Variants in ARHGAP42 observed in about 807,000 individuals in gnomAD.
The protein encoded by ARHGAP42 is rho GTPase-activating protein 42.
Under a neutral mutation model 125.0 loss-of-function variants are expected in ARHGAP42, and 63 were observed. That is an observed-to-expected ratio of 0.50 (90% CI 0.41 to 0.62). The LOEUF (loss-of-function observed/expected upper bound fraction) is 0.62. ARHGAP42 is among the 20% of genes least tolerant of loss of function. ARHGAP42 has a pLI of 0.00. For missense variants in ARHGAP42, 766 were observed against 1,024.2 expected, an observed-to-expected ratio of 0.75 and a Z score of 3.44; for synonymous variants, 339 against 351.0, an observed-to-expected ratio of 0.97 and a Z score of 0.38.
At chr11:100,907,581 A>G (rs965357482) in intron 4 of ARHGAP42, among the ~76,000 whole-genome samples, 6 of 152,138 alleles carry the variant, frequency 3.9e-5, no homozygotes, top group Non-Finnish European at 8.8e-5. Flanking sequence ...CACAGGAGAG[A>G]CACTGCTGTG....
In ARHGAP42 at chr11:100,992,363, G is replaced by A. The variant is rs536780208; in HGVS notation, c.*3562G>A. The A allele has an allele frequency of 2.4e-5, 38 of 1,613,742 alleles. No individual in the cohort carries two copies. The East Asian group carries it at 4.0e-4, about 17-fold the overall frequency. ...AAATCACATCTCCTGGTCAGGTCAC[G>A]AAAAAGAACACAGGCTTGACTATTG... On this transcript the variant is annotated 3_prime_UTR_variant, in exon 24 of 24. Coordinates refer to ENST00000298815, the MANE Select transcript of ARHGAP42 (RefSeq NM_152432.4).
intron 3 of ARHGAP42, among the ~76,000 whole-genome samples, chr11:100,829,165 T>C (rs1864600548): frequency 6.6e-6 from 1 of 152,056 alleles, no homozygotes; most frequent in Non-Finnish European, 1.5e-5. Flanking sequence ...GTTGGCACTT[T>C]CTGGCATCAG....
In ARHGAP42 at chr11:100,992,898, T is replaced by G; in HGVS notation, c.*4097T>G. ...TTTAGGGGGCCCAGCCCATCATTCCTTTTCCCCTTGGCACTCATGAGAGAG... is the reference window on the plus strand; with the variant it reads ...TTTAGGGGGCCCAGCCCATCATTCCGTTTCCCCTTGGCACTCATGAGAGAG... On this transcript the variant is annotated 3_prime_UTR_variant, in exon 24 of 24. Transcript: ENST00000298815. 1 of 565,834 alleles carries G rather than the reference T, an allele frequency of 1.8e-6. No individual in the cohort carries two copies. The allele number at this position is 565,834 out of a possible 1,614,324, so 35.1% of individuals were successfully genotyped here. A position where few individuals can be genotyped will look rare whatever the true frequency, so the allele number is the denominator to read the frequency against.
chr11:100,960,005 C>A, intron 13 of ARHGAP42, 60 bp downstream of exon 13: 1 of 1,398,184 alleles, frequency 7.2e-7, no homozygotes, highest in South Asian at 1.3e-5. Flanking sequence ...ACATGGAAAA[C>A]TCTCAGAGTA....
intron 1 of ARHGAP42, among the ~76,000 whole-genome samples, chr11:100,736,326 G>C (rs2120328436): frequency 6.6e-6 from 1 of 152,248 alleles, no homozygotes; most frequent in African/African-American, 2.4e-5. Context: ...ATGCATGCCG[G>C]GGGCTTCCCG....
intron 3 of ARHGAP42, among the ~76,000 whole-genome samples, chr11:100,812,770 G>A (rs545990587): frequency 6.6e-6 from 1 of 152,326 alleles, no homozygotes; most frequent in African/African-American, 2.4e-5. Flanking sequence ...AGGAACAAAT[G>A]GGAAAGTGGG....
intron 1 of ARHGAP42, among the ~76,000 whole-genome samples, chr11:100,750,826 CAT>C (rs529635277): frequency 2.9e-4 from 44 of 152,064 alleles, no homozygotes; most frequent in African/African-American, 9.9e-4. Context: ...AACATACTGA[CAT>C]ATTGATTCTT....
At chr11:100,758,017 A>G (rs2120354273) in intron 1 of ARHGAP42, among the ~76,000 whole-genome samples, 1 of 152,324 alleles carries the variant, frequency 6.6e-6, no homozygotes, top group South Asian at 2.1e-4. Context: ...ACATAACCAT[A>G]CTGTTCATGT....
chr11:100,741,924 G>A (rs1039518668), intron 1 of ARHGAP42, among the ~76,000 whole-genome samples: 2 of 152,134 alleles, frequency 1.3e-5, no homozygotes, highest in Non-Finnish European at 2.9e-5. Context: ...AAGGTTGTCT[G>A]CTTTAACCTG....
intron 3 of ARHGAP42, among the ~76,000 whole-genome samples, chr11:100,809,844 G>A (rs557381135): frequency 6.6e-6 from 1 of 152,172 alleles, no homozygotes; most frequent in East Asian, 1.9e-4. Context: ...GGGAGGCTGA[G>A]GTGGGAAGAT....
chr11:100,877,321 G>T (rs1158095192), intron 4 of ARHGAP42, among the ~76,000 whole-genome samples: 1 of 152,148 alleles, frequency 6.6e-6, no homozygotes, highest in African/African-American at 2.4e-5. Context: ...ACCTTACTTA[G>T]CCTCTGGGGA....
At chr11:100,775,660 C>T (rs761119498) in intron 2 of ARHGAP42, among the ~76,000 whole-genome samples, 35 of 152,110 alleles carry the variant, frequency 2.3e-4, no homozygotes, top group African/African-American at 4.3e-4. Context: ...GCCTATGAGA[C>T]GGGTTGTTTA....
rs1591347119 is a variant in ARHGAP42 at position 100,992,265 on chromosome 11, T to C, written c.*3464T>C. 6.5e-7 allele frequency: 1 copy of C among 1,539,618 alleles called. No homozygotes were observed. Among genetic ancestry groups the C allele is most frequent in the East Asian group, 2.3e-5 (1 of 44,364 alleles). On this transcript the variant is annotated 3_prime_UTR_variant, in exon 24 of 24. Coordinates refer to ENST00000298815, the MANE Select transcript of ARHGAP42 (RefSeq NM_152432.4). Reference sequence around the variant, plus strand: ...GCAGACCAATTTAGGGAACAGATTTTGTTCTTTGCTTTTATGATACATTTG... The same window carrying C: ...GCAGACCAATTTAGGGAACAGATTTCGTTCTTTGCTTTTATGATACATTTG...
chr11:100,959,917 A>T lies in ARHGAP42; in HGVS notation c.1197A>T (p.Arg399Ser), dbSNP rs1313821565. The T allele has an allele frequency of 5.2e-6, 8 of 1,551,340 alleles. No individual in the cohort carries two copies. The highest frequency in any genetic ancestry group is 6.1e-6 in the Non-Finnish European group (7 of 1,146,572). ...YLNEAGFNFVRKCIQAVETRG... is the reference protein window; with the variant it reads ...YLNEAGFNFVSKCIQAVETRG... ...ATGAAGCAGGGTTCAACTTTGTGAG[A>T]AAATGCATTCAAGCTGTGGAAACAA... The change falls in exon 13 of 24, where the codon AGA becomes AGT. Residue 399 changes from arginine to serine, a missense_variant. By Grantham distance (110) the Arg-to-Ser change is moderately radical. Around this residue, in one of 3 missense-constraint regions of ARHGAP42, gnomAD observed 455 missense variants for 636.5 expected, o/e 0.71. Coordinates refer to ENST00000298815, the MANE Select transcript of ARHGAP42 (RefSeq NM_152432.4).
At chr11:100,988,117 A>T (rs1858732887) in intron 23 of ARHGAP42, among the ~76,000 whole-genome samples, 1 of 151,958 alleles carries the variant, frequency 6.6e-6, no homozygotes, top group East Asian at 1.9e-4. Context: ...ACACAGCAAG[A>T]CTCTGTCTAT....
chr11:100,697,970 A>C (rs1861315800), intron 1 of ARHGAP42, among the ~76,000 whole-genome samples: 1 of 152,210 alleles, frequency 6.6e-6, no homozygotes. Context: ...TTCTATGAAA[A>C]AGTTACTCTG....
chr11:100,986,077 A>C (rs939693699), intron 22 of ARHGAP42: 1 of 456,496 alleles, frequency 2.2e-6, no homozygotes, highest in African/African-American at 2.0e-5. Context: ...CATTTAGCTA[A>C]CATTTCCTGA....
chr11:100,960,861 G>A, intron 13 of ARHGAP42, 54 bp from the exon 14 acceptor site: 1 of 1,222,416 alleles, frequency 8.2e-7, no homozygotes, highest in South Asian at 1.7e-5. Flanking sequence ...TTAACATTCT[G>A]TACTTGCCAA....
intron 18 of ARHGAP42, among the ~76,000 whole-genome samples, chr11:100,973,951 T>C (rs548014152): frequency 1.2e-4 from 19 of 152,288 alleles, no homozygotes; most frequent in African/African-American, 4.6e-4. Flanking sequence ...AGCATGCCCT[T>C]AGTGTCTATC....
Sources: gnomAD v4.1 joint callset for allele counts (sites outside exome capture counted in the v4.1 genomes callset) on GRCh38, gnomAD v4.1.1 for gene constraint, gnomAD v4.1.1 regional missense constraint, MANE v1.5 for transcripts, NCBI Gene and HGNC (gene_info 2026-07-23, HGNC 2026-07-21) for gene names.